RASEF: variants seen among roughly 807,000 people sequenced by gnomAD.
RASEF encodes RAS and EF-hand domain containing.
A neutral mutation model predicts 90.1 loss-of-function variants in RASEF; 68 were observed. The ratio of observed to expected loss-of-function variants is 0.75; its 90% CI spans 0.62 to 0.92. The LOEUF is 0.92. Ranked by LOEUF, RASEF falls within the 40% of genes least tolerant of loss-of-function variation. The pLI is 0.00. For synonymous variants in RASEF, 331 were observed against 345.2 expected (o/e 0.96, Z 0.46); for missense variants, 949 against 937.2 (o/e 1.01, Z -0.16).
At chr9:83,045,846 C>T (rs1829919198) in intron 1 of RASEF, among the ~76,000 whole-genome samples, 1 of 152,110 alleles carries the variant, frequency 6.6e-6, no homozygotes, top group South Asian at 2.1e-4. Flanking sequence ...CAGCTGCACA[C>T]AGCAGGCTAC....
At chr9:83,198,249 C>T in the RASEF span, among the ~76,000 whole-genome samples, 16 of 152,126 alleles carry the variant, frequency 1.1e-4, no homozygotes, top group African/African-American at 3.9e-4. Flanking sequence ...GACTACATAA[C>T]ATTTATACCA....
intron 5 of RASEF, 58 bp from the exon 6 acceptor site, chr9:83,009,814 A>G: frequency 9.3e-7 from 1 of 1,081,080 alleles, no homozygotes; most frequent in Non-Finnish European, 1.4e-6. Context: ...CCTGGGAGAA[A>G]TGAAGTAAAG....
chr9:83,158,329 A>C, the RASEF span, among the ~76,000 whole-genome samples: 1 of 151,990 alleles, frequency 6.6e-6, no homozygotes, highest in African/African-American at 2.4e-5. Context: ...TTGAAGAAAA[A>C]ATTATTTCTG....
upstream of RASEF, among the ~76,000 whole-genome samples, chr9:83,064,932 G>A (rs1564093876): frequency 6.6e-6 from 1 of 152,128 alleles, no homozygotes; most frequent in Non-Finnish European, 1.5e-5. Flanking sequence ...GCTGGGCGTG[G>A]TGGCGGGCAC....
the RASEF span, among the ~76,000 whole-genome samples, chr9:83,086,700 T>C: frequency 6.6e-6 from 1 of 152,176 alleles, no homozygotes; most frequent in Non-Finnish European, 1.5e-5. Flanking sequence ...TCACTGGCTG[T>C]TGGCTGGAGA....
At chr9:83,043,399 G>GT (rs75614253) in intron 1 of RASEF, among the ~76,000 whole-genome samples, 58,728 of 142,994 alleles carry the variant, frequency 0.41, 12,388 homozygotes, top group East Asian at 0.7. Context: ...GCAGTGATTG[G>GT]GGGGGGGGAC....
intron 1 of RASEF, among the ~76,000 whole-genome samples, chr9:83,033,762 C>A (rs1829688445): frequency 6.6e-6 from 1 of 152,130 alleles, no homozygotes. Context: ...AAATGTAGAA[C>A]TTCAGGAGTT....
the RASEF span, among the ~76,000 whole-genome samples, chr9:83,144,391 G>GAAAGAAAGAAAGGAAAGAAAGAAAGAAA: frequency 3.0e-5 from 1 of 33,234 alleles, no homozygotes; most frequent in African/African-American, 1.0e-4. Context: ...AAGAAAGAAA[G>GAAAGAAAGAAAGGAAAGAAAGAAAGAAA]GAAAGAAAGA....
the RASEF span, among the ~76,000 whole-genome samples, chr9:83,107,156 T>C: frequency 2.6e-5 from 4 of 152,148 alleles, no homozygotes; most frequent in African/African-American, 9.7e-5. Flanking sequence ...ACCTCCTACT[T>C]CATGGAGAAT....
chr9:83,081,922 A>C, the RASEF span, among the ~76,000 whole-genome samples: 4 of 152,208 alleles, frequency 2.6e-5, no homozygotes, highest in African/African-American at 4.8e-5. Context: ...TAAGACATGG[A>C]AGTAAAATAT....
the RASEF span, among the ~76,000 whole-genome samples, chr9:83,167,566 C>T: frequency 6.6e-6 from 1 of 152,084 alleles, no homozygotes; most frequent in Admixed American, 6.6e-5. Flanking sequence ...TGCATACAAT[C>T]AGAGGTTTTT....
At chr9:83,169,029 T>C in the RASEF span, among the ~76,000 whole-genome samples, 72 of 151,274 alleles carry the variant, frequency 4.8e-4, no homozygotes, top group African/African-American at 1.6e-3. Context: ...ACCACCATTC[T>C]ATTTGCTACC....
chr9:83,055,345 G>A (rs964083737), intron 1 of RASEF: 4 of 427,624 alleles, frequency 9.4e-6, no homozygotes, highest in Non-Finnish European at 1.7e-5. Flanking sequence ...GACTCGGAAA[G>A]GGAACTCCCT....
At chr9:82,993,737 G>T (rs1335061853) in intron 14 of RASEF, among the ~76,000 whole-genome samples, 1 of 152,162 alleles carries the variant, frequency 6.6e-6, no homozygotes, top group South Asian at 2.1e-4. Context: ...ATTGTCACAG[G>T]GTCCCACAGT....
intron 16 of RASEF, among the ~76,000 whole-genome samples, chr9:82,983,660 G>A (rs1828660203): frequency 6.6e-6 from 1 of 152,212 alleles, no homozygotes; most frequent in African/African-American, 2.4e-5. Flanking sequence ...GTCAGAGCTG[G>A]TTCTCCACCT....
chr9:83,178,843 C>A, the RASEF span, among the ~76,000 whole-genome samples: 1 of 152,142 alleles, frequency 6.6e-6, no homozygotes, highest in Non-Finnish European at 1.5e-5. Flanking sequence ...TTCCACAATG[C>A]CCCTGCCTAG....
At chr9:83,007,131 G>A (rs1366790758) in intron 7 of RASEF, among the ~76,000 whole-genome samples, 2 of 150,412 alleles carry the variant, frequency 1.3e-5, no homozygotes. Context: ...AGAACTCAGA[G>A]AAAGCTGAGT....
At chr9:83,055,249 G>A in intron 1 of RASEF, 1 of 308,240 alleles carries the variant, frequency 3.2e-6, no homozygotes, top group Non-Finnish European at 6.3e-6. Flanking sequence ...GTCTTGTGGT[G>A]CGCCGTTTCT....
At chr9:83,080,073 A>C in the RASEF span, among the ~76,000 whole-genome samples, 3 of 152,252 alleles carry the variant, frequency 2.0e-5, no homozygotes, top group African/African-American at 7.2e-5. Flanking sequence ...AATTCGGAAT[A>C]AACAAAATCC....
Sources: gnomAD v4.1 joint callset for allele counts (sites outside exome capture counted in the v4.1 genomes callset) on GRCh38, gnomAD v4.1.1 for gene constraint, MANE v1.5 for transcripts, NCBI Gene and HGNC (gene_info 2026-07-23, HGNC 2026-07-21) for gene names.